NR5A2: variants seen among roughly 807,000 people sequenced by gnomAD.
NR5A2 encodes the protein CYP7A promoter-binding factor.
Under a neutral mutation model 62.7 loss-of-function variants are expected in NR5A2, and 26 were observed. The ratio of observed to expected loss-of-function variants is 0.41; its 90% CI spans 0.30 to 0.58. The LOEUF is 0.58. Among genes scored for constraint, NR5A2 ranks in the 20% least tolerant of loss-of-function variants. The pLI, the probability that NR5A2 is intolerant of heterozygous loss-of-function variation, is 0.22. For missense variants in NR5A2, 541 were observed against 669.1 expected, an observed-to-expected ratio of 0.81 and a Z score of 2.11; for synonymous variants, 246 against 241.7, an observed-to-expected ratio of 1.02 and a Z score of -0.16.
chr1:200,118,745 T>C (rs1666354528), intron 6 of NR5A2, among the ~76,000 whole-genome samples: 1 of 152,268 alleles, frequency 6.6e-6, no homozygotes, highest in African/African-American at 2.4e-5. Context: ...GTAAGGACTT[T>C]CCTTGAAGTA....
At chr1:200,117,260 T>A (rs1415408506) in intron 6 of NR5A2, among the ~76,000 whole-genome samples, 2 of 152,242 alleles carry the variant, frequency 1.3e-5, no homozygotes, top group Non-Finnish European at 2.9e-5. Flanking sequence ...AATATAATTA[T>A]GTTTGTAATA....
intron 5 of NR5A2, among the ~76,000 whole-genome samples, chr1:200,074,847 A>G (rs1013345885): frequency 2.0e-5 from 3 of 150,698 alleles, no homozygotes; most frequent in African/African-American, 7.3e-5. Flanking sequence ...CCAAATATGG[A>G]TATATTTTCC....
chr1:200,126,535 T>C (rs978975528), intron 7 of NR5A2, among the ~76,000 whole-genome samples: 2 of 152,000 alleles, frequency 1.3e-5, no homozygotes, highest in African/African-American at 4.8e-5. Flanking sequence ...ATAATGGGAA[T>C]TGAAAATAAT....
chr1:200,038,898 C>A (rs1015486985), intron 1 of NR5A2: 1 of 507,474 alleles, frequency 2.0e-6, no homozygotes, highest in Non-Finnish European at 3.0e-6. Flanking sequence ...TATTGGCTGG[C>A]GGCTAGTGTC....
chr1:200,056,716 A>G (rs991322512), intron 5 of NR5A2, among the ~76,000 whole-genome samples: 1 of 152,208 alleles, frequency 6.6e-6, no homozygotes, highest in African/African-American at 2.4e-5. Context: ...GTAAGAGAGT[A>G]GTGATGATCA....
intron 5 of NR5A2, among the ~76,000 whole-genome samples, chr1:200,067,092 T>G (rs1663518289): frequency 6.6e-6 from 1 of 152,204 alleles, no homozygotes; most frequent in Non-Finnish European, 1.5e-5. Context: ...GAATCTAAAT[T>G]TATTTCAGTA....
rs1008374566 is a variant in NR5A2, at chr1:200,039,873, G to A, written c.202+78G>A. 2.0e-6 allele frequency: 3 copies of A among 1,465,850 alleles called. No individual in the cohort carries two copies. The highest frequency in any genetic ancestry group is 1.8e-6 in the Non-Finnish European group (2 of 1,116,564). The allele number at this position is 1,465,850 out of a possible 1,614,324, so 90.8% of individuals were successfully genotyped here. The stretch of plus-strand genomic sequence containing the variant: ...CTCGCCCTGCAGGCTTCAGCCTCCC[G>A]CCCCGCGCGGGCGCGGGAGTAGCCC... On this transcript the variant is annotated intron_variant, in intron 2 of 7. Transcript: ENST00000367362. This position sits in a 1 kb window ranked among gnomAD's most constrained non-coding sequence, Gnocchi z 5.1.
At chr1:200,097,226 T>A (rs945785109) in intron 5 of NR5A2, among the ~76,000 whole-genome samples, 1 of 152,228 alleles carries the variant, frequency 6.6e-6, no homozygotes, top group African/African-American at 2.4e-5. Context: ...TTTCTTTTTT[T>A]AAAATAAACC....
At chr1:200,166,355 A>G (rs773844078) in intron 7 of NR5A2, among the ~76,000 whole-genome samples, 3 of 152,168 alleles carry the variant, frequency 2.0e-5, no homozygotes, top group African/African-American at 7.2e-5. Flanking sequence ...ACTAGACTGT[A>G]CTCAGTCTCC....
rs555942341 is a variant in NR5A2, at chr1:200,039,856, G to T, written c.202+61G>T. ...GCTTCCCCACCCCCGGGCTCGCCCT[G>T]CAGGCTTCAGCCTCCCGCCCCGCGC... On this transcript the variant is annotated intron_variant, in intron 2 of 7. Coordinates refer to ENST00000367362, the MANE Select transcript of NR5A2 (RefSeq NM_205860.3). This position sits in a 1 kb window ranked among gnomAD's most constrained non-coding sequence, Gnocchi z 5.1. The T allele has an allele frequency of 5.3e-6, 8 of 1,522,056 alleles. No homozygotes were observed. Among genetic ancestry groups the T allele is most frequent in the Admixed American group, 2.3e-5 (1 of 42,592 alleles). The allele number at this position is 1,522,056 out of a possible 1,614,324, so 94.3% of individuals were successfully genotyped here.
chr1:200,068,805 AT>A (rs1663613589), intron 5 of NR5A2, among the ~76,000 whole-genome samples: 1 of 152,282 alleles, frequency 6.6e-6, no homozygotes, highest in African/African-American at 2.4e-5. Flanking sequence ...GTAGAATATC[AT>A]TTGGGCTAGG....
intron 1 of NR5A2, among the ~76,000 whole-genome samples, chr1:200,033,887 C>G (rs1013435322): frequency 3.3e-5 from 5 of 152,120 alleles, no homozygotes; most frequent in African/African-American, 1.2e-4. Flanking sequence ...CCAAGTGAGA[C>G]CCAAATTGCT....
At chr1:200,163,354 A>G (rs1653736676) in intron 7 of NR5A2, among the ~76,000 whole-genome samples, 1 of 151,872 alleles carries the variant, frequency 6.6e-6, no homozygotes, top group Admixed American at 6.6e-5. Context: ...TTATTCTCAT[A>G]TTTCCTGAGG....
Position 200,032,171 on chromosome 1 carries a change from T to C in NR5A2, c.64+4260T>C, listed in dbSNP as rs573895446. ...AACTAGTTCTTTGAGTTGCACTTCC[T>C]CACGCTTCACCTTATTGGAACAGAC... On this transcript the variant is annotated intron_variant, in intron 1 of 7. Transcript: ENST00000367362. Among the ~76,000 whole-genome samples, 7 of 152,290 alleles carry C rather than the reference T, an allele frequency of 4.6e-5. No homozygotes were observed. The East Asian group carries it at 1.4e-3, about 29-fold the overall frequency.
chr1:200,106,903 C>T (rs1244493821), intron 5 of NR5A2, among the ~76,000 whole-genome samples: 1 of 152,126 alleles, frequency 6.6e-6, no homozygotes, highest in Non-Finnish European at 1.5e-5. Flanking sequence ...CATGAAGCTG[C>T]ACACTCACCA....
At position 200,039,517 on chromosome 1, in the gene NR5A2, G is replaced by T; in HGVS notation, c.65-141G>T. On this transcript the variant is annotated intron_variant, in intron 1 of 7. Transcript: ENST00000367362. This position sits in a 1 kb window ranked among gnomAD's most constrained non-coding sequence, Gnocchi z 5.1. ...GGGGCGGCTCCGGAGCTGCGAGACCGGACAGGGCTCAGAGGTCCTGCCCGG... is the reference window on the plus strand; with the variant it reads ...GGGGCGGCTCCGGAGCTGCGAGACCTGACAGGGCTCAGAGGTCCTGCCCGG... 8.4e-7 allele frequency: 1 copy of T among 1,189,758 alleles called. No individual in the cohort carries two copies. The highest frequency in any genetic ancestry group is 2.7e-5 in the East Asian group (1 of 37,526). 73.7% of individuals were successfully genotyped at this position (1,189,758 alleles called of 1,614,324 possible).
intron 7 of NR5A2, among the ~76,000 whole-genome samples, chr1:200,129,466 C>CT (rs565804987): frequency 7.0e-4 from 107 of 152,326 alleles, no homozygotes; most frequent in African/African-American, 2.4e-3. Context: ...CGTCTTTCTC[C>CT]TTGTCTGTTT....
At chr1:200,137,795 A>G (rs1043775574) in intron 7 of NR5A2, among the ~76,000 whole-genome samples, 2 of 152,104 alleles carry the variant, frequency 1.3e-5, no homozygotes, top group Non-Finnish European at 2.9e-5. Context: ...TTTTTTTTAA[A>G]AAAAGTTTAT....
intron 5 of NR5A2, among the ~76,000 whole-genome samples, chr1:200,095,131 A>G (rs1428736099): frequency 7.6e-4 from 2 of 2,618 alleles, no homozygotes; most frequent in Non-Finnish European, 2.7e-3. Flanking sequence ...AATAAAAAGA[A>G]AAAAAAAAAA....
Sources: allele counts gnomAD v4.1 joint callset (sites outside exome capture counted in the v4.1 genomes callset), GRCh38; gene constraint gnomAD v4.1.1; non-coding constraint Gnocchi (gnomAD v3.1); transcripts MANE v1.5; gene names NCBI Gene and HGNC (gene_info 2026-07-23, HGNC 2026-07-21).